Variants in CSMD2 observed in about 807,000 individuals in gnomAD.
CSMD2 encodes CUB and sushi domain-containing protein 2.
CSMD2 carries 130 observed loss-of-function variants against 398.5 expected under a neutral mutation model. The ratio of observed to expected loss-of-function variants is 0.33; its 90% CI spans 0.28 to 0.38. The LOEUF (loss-of-function observed/expected upper bound fraction) is 0.38. CSMD2 is among the 10% of genes least tolerant of loss of function. The pLI is 1.00. For synonymous variants in CSMD2, 1,828 were observed against 1,908.5 expected, an observed-to-expected ratio of 0.96 and a Z score of 1.10; for missense variants, 3,829 against 4,764.9, an observed-to-expected ratio of 0.80 and a Z score of 5.78.
intron 3 of CSMD2, among the ~76,000 whole-genome samples, chr1:33,979,652 A>G (rs1396293187): frequency 6.6e-6 from 1 of 152,224 alleles, no homozygotes; most frequent in Non-Finnish European, 1.5e-5. Flanking sequence ...GAAGGGAGAC[A>G]GCAGCCATTT....
At chr1:33,801,798 T>C (rs1655638415) in intron 10 of CSMD2, among the ~76,000 whole-genome samples, 1 of 152,168 alleles carries the variant, frequency 6.6e-6, no homozygotes, top group African/African-American at 2.4e-5. Flanking sequence ...TGGGACCAGA[T>C]GTGCCCAGAC....
intron 15 of CSMD2, among the ~76,000 whole-genome samples, chr1:33,733,974 C>A (rs1225494125): frequency 5.9e-5 from 9 of 152,178 alleles, no homozygotes; most frequent in African/African-American, 2.2e-4. Flanking sequence ...GGAACGTCAA[C>A]TCACCTCACT....
At chr1:34,133,581 A>C (rs1239802215) in intron 1 of CSMD2, among the ~76,000 whole-genome samples, 1 of 151,842 alleles carries the variant, frequency 6.6e-6, no homozygotes, top group Admixed American at 6.6e-5. Context: ...CAGTGAGCCA[A>C]TATTGCACCA....
chr1:33,540,854 C>A (rs932850173), intron 59 of CSMD2, among the ~76,000 whole-genome samples, 156 bp from the exon 60 acceptor site: 13 of 152,162 alleles, frequency 8.5e-5, no homozygotes, highest in African/African-American at 2.9e-4. Context: ...GAGTTCTGAT[C>A]TTTTTGCACC....
intron 3 of CSMD2, among the ~76,000 whole-genome samples, chr1:34,024,374 C>G (rs1649347728): frequency 6.6e-6 from 1 of 152,234 alleles, no homozygotes; most frequent in South Asian, 2.1e-4. Context: ...GACACCCTGA[C>G]AGGAAGACGG....
intron 1 of CSMD2, among the ~76,000 whole-genome samples, chr1:34,108,292 A>G (rs951699168): frequency 6.6e-6 from 1 of 151,978 alleles, no homozygotes; most frequent in Admixed American, 6.6e-5. Context: ...AGAAAAAAAA[A>G]CCCAAAACCC....
At position 34,015,484 on chromosome 1, in the gene CSMD2, C is replaced by T. The variant is rs577074819; in HGVS notation, c.517+17110G>A. ...CTAGCTAGGTGAGAGGCATGAGGAG[C>T]CACCATGGCACTGGGTCTAGGCTTA... On this transcript the variant is annotated intron_variant, in intron 3 of 70. Coordinates refer to ENST00000373381, the MANE Select transcript of CSMD2 (RefSeq NM_001281956.2). 1.4e-4 allele frequency among the ~76,000 whole-genome samples: 21 copies of T among 152,316 alleles called. No individual in the cohort carries two copies. In the South Asian group the frequency reaches 3.9e-3, roughly 29 times the overall value.
rs58450880 is a variant in CSMD2, at chr1:33,919,755, G to C, written c.713-1454C>G. 2.6e-3 allele frequency among the ~76,000 whole-genome samples: 398 copies of C among 152,288 alleles called. 1 individual carries two copies. The highest frequency in any genetic ancestry group is 9.1e-3 in the African/African-American group (378 of 41,556). On this transcript the variant is annotated intron_variant, in intron 4 of 70. Coordinates refer to ENST00000373381, the MANE Select transcript of CSMD2 (RefSeq NM_001281956.2). ...GAATAGTTATGATGGGGATGCTCAA[G>C]GCGCAGTGATAGCACATAGTTAGGA...
At chr1:33,943,196 A>G (rs1178029667) in intron 3 of CSMD2, among the ~76,000 whole-genome samples, 1 of 152,246 alleles carries the variant, frequency 6.6e-6, no homozygotes, top group Admixed American at 6.5e-5. Context: ...AAGGAAATAA[A>G]AAGAAAACCT....
chr1:33,695,318 C>T (rs1267880824), intron 24 of CSMD2, among the ~76,000 whole-genome samples: 1 of 152,088 alleles, frequency 6.6e-6, no homozygotes, highest in Non-Finnish European at 1.5e-5. Context: ...GAAAGAATTG[C>T]AGTGATTATA....
chr1:33,731,486 T>G (rs1310262019), intron 15 of CSMD2, among the ~76,000 whole-genome samples: 1 of 152,162 alleles, frequency 6.6e-6, no homozygotes, highest in Non-Finnish European at 1.5e-5. Context: ...TAGATCTTAC[T>G]GCCAATTAAA....
intron 10 of CSMD2, among the ~76,000 whole-genome samples, chr1:33,800,652 C>T (rs1655485812): frequency 6.6e-6 from 1 of 152,064 alleles, no homozygotes; most frequent in Non-Finnish European, 1.5e-5. Flanking sequence ...GGGCTCAAAC[C>T]AGGGAAGCAT....
intron 15 of CSMD2, among the ~76,000 whole-genome samples, chr1:33,730,567 T>C (rs1424733853): frequency 6.6e-6 from 1 of 151,786 alleles, no homozygotes; most frequent in Non-Finnish European, 1.5e-5. Context: ...AAAAGAGATT[T>C]TAAAACACAA....
intron 53 of CSMD2, among the ~76,000 whole-genome samples, chr1:33,563,798 T>C (rs544855983): frequency 2.6e-5 from 4 of 152,096 alleles, no homozygotes; most frequent in Admixed American, 1.3e-4. Flanking sequence ...AACAGCTGTA[T>C]GGAGAAAGGG....
intron 32 of CSMD2, among the ~76,000 whole-genome samples, chr1:33,631,063 T>C (rs1642437844): frequency 6.7e-6 from 1 of 149,900 alleles, no homozygotes; most frequent in Admixed American, 6.6e-5. Context: ...CAGAGATTAA[T>C]AAAAAAAAGC....
At chr1:33,803,706 T>C (rs1249032535) in intron 10 of CSMD2, among the ~76,000 whole-genome samples, 1 of 152,232 alleles carries the variant, frequency 6.6e-6, no homozygotes, top group East Asian at 1.9e-4. Context: ...AAAGCCTTGG[T>C]GGATGTCCCC....
At chr1:34,072,955 T>C (rs1655904737) in intron 2 of CSMD2, among the ~76,000 whole-genome samples, 2 of 152,128 alleles carry the variant, frequency 1.3e-5, no homozygotes, top group Non-Finnish European at 2.9e-5. Flanking sequence ...GGTCAGGTGG[T>C]GCTGACCTGT....
intron 6 of CSMD2, among the ~76,000 whole-genome samples, chr1:33,843,759 G>C (rs1661084999): frequency 6.6e-6 from 1 of 152,172 alleles, no homozygotes; most frequent in South Asian, 2.1e-4. Context: ...GTGGATGGGA[G>C]AGAGAGAGGA....
At chr1:33,839,752 G>T (rs944332900) in intron 6 of CSMD2, 1 of 152,168 alleles carries the variant, frequency 6.6e-6, no homozygotes, top group African/African-American at 2.4e-5. Context: ...GATATCATTT[G>T]GGTGTTTTGC....
Sources: gnomAD v4.1 joint callset for allele counts (sites outside exome capture counted in the v4.1 genomes callset) on GRCh38, gnomAD v4.1.1 for gene constraint, MANE v1.5 for transcripts, NCBI Gene and HGNC (gene_info 2026-07-23, HGNC 2026-07-21) for gene names.